The following PGAP1 variants were observed in gnomAD, a reference collection of about 807,000 sequenced individuals.
PGAP1 encodes post-GPI attachment to proteins inositol deacylase 1, also known as GPI inositol-deacylase.
In PGAP1, 76 loss-of-function variants were observed where a neutral mutation model predicts 127.0. The observed-to-expected ratio is 0.60, with a 90% CI of 0.50 to 0.72. The LOEUF (loss-of-function observed/expected upper bound fraction) is 0.72, where lower values mean the gene tolerates loss of function less well. Among genes scored for constraint, PGAP1 ranks in the 30% least tolerant of loss-of-function variants. PGAP1 has a pLI of 0.00. For synonymous variants in PGAP1, 362 were observed against 366.5 expected, an observed-to-expected ratio of 0.99 and a Z score of 0.14; for missense variants, 982 against 1,071.3, an observed-to-expected ratio of 0.92 and a Z score of 1.16.
intron 2 of PGAP1, 131 bp from the exon 3 acceptor site, chr2:196,916,724 C>A: frequency 1.2e-6 from 1 of 827,628 alleles, no homozygotes; most frequent in Non-Finnish European, 1.7e-6. Context: ...GGATGAAATT[C>A]ATTAATAGCA....
At chr2:196,912,559 G>A (rs1224208374) in intron 4 of PGAP1, among the ~76,000 whole-genome samples, 2 of 103,008 alleles carry the variant, frequency 1.9e-5, no homozygotes, top group East Asian at 6.8e-4. Context: ...CAGCCTGGGA[G>A]AAAGAGCAAG....
At position 196,835,794 on chromosome 2, in the gene PGAP1, A is replaced by G. The variant is rs527606730; in HGVS notation, c.*5440T>C. ...TCCAATGCACAGCTTTATGCTAAAG[A>G]GAATTCAAATGTGTCTCTTTTTTTT... On this transcript the variant is annotated 3_prime_UTR_variant, in exon 27 of 27. Coordinates refer to ENST00000354764, the MANE Select transcript of PGAP1 (RefSeq NM_024989.4). 5 of 152,594 alleles carry G rather than the reference A, an allele frequency of 3.3e-5. No individual in the cohort carries two copies. In the South Asian group the frequency reaches 8.3e-4, roughly 25 times the overall value. 9.5% of individuals were successfully genotyped at this position (152,594 alleles called of 1,614,324 possible). A position where few individuals can be genotyped will look rare whatever the true frequency, so the allele number is the denominator to read the frequency against.
chr2:196,865,064 C>A lies in PGAP1; in HGVS notation c.1784G>T (p.Gly595Val), dbSNP rs372173608. The A allele has an allele frequency of 2.2e-5, 34 of 1,559,362 alleles. No individual in the cohort carries two copies. Among genetic ancestry groups the A allele is most frequent in the Non-Finnish European group, 2.6e-5 (30 of 1,159,756 alleles). The change falls in exon 20 of 27, where the codon GGT becomes GTT. Residue 595 changes from glycine (G) to valine (V), a missense_variant. By Grantham distance (109) the Gly-to-Val change is moderately radical (BLOSUM62 -3). Transcript: ENST00000354764. The part of the protein sequence containing the change: ...QILGQVVRFH[G>V]GALPAYVVSN... Reference sequence around the variant, plus strand: ...TACGACATAAGCAGGAAGAGCTCCACCATGAAATCTAACTACCTAAAAAAC... The same window carrying A: ...TACGACATAAGCAGGAAGAGCTCCAACATGAAATCTAACTACCTAAAAAAC...
In PGAP1 at chr2:196,873,678, T is replaced by C. The variant is rs1413158245; in HGVS notation, c.1500+7A>G. 6.2e-7 allele frequency: 1 copy of C among 1,606,456 alleles called. No individual in the cohort carries two copies. Among genetic ancestry groups the C allele is most frequent in the East Asian group, 2.2e-5 (1 of 44,680 alleles). ...AAATCCTTTTTCTTGTAGTCAGGAT[T>C]AATTACCTGTCCAAAGTTCAGAAGC... On this transcript the variant is annotated splice_region_variant and intron_variant, in intron 15 of 26. Transcript: ENST00000354764.
intron 20 of PGAP1, among the ~76,000 whole-genome samples, chr2:196,859,476 A>G (rs768709701): frequency 1.1e-4 from 17 of 152,164 alleles, no homozygotes; most frequent in Non-Finnish European, 2.2e-4. Flanking sequence ...TTCCAAAAAA[A>G]AACACTGAAG....
chr2:196,912,867 T>C lies in PGAP1; in HGVS notation c.649+15A>G. Reference sequence around the variant, plus strand: ...ATAACAATGGGGAGGTTAATGTTCATGTAACAGTACTCACCTGTAATGAAA... The same window carrying C: ...ATAACAATGGGGAGGTTAATGTTCACGTAACAGTACTCACCTGTAATGAAA... On this transcript the variant is annotated intron_variant, in intron 4 of 26. Transcript: ENST00000354764. 3.8e-6 allele frequency: 6 copies of C among 1,574,238 alleles called. No individual in the cohort carries two copies. Among genetic ancestry groups the C allele is most frequent in the Non-Finnish European group, 5.2e-6 (6 of 1,159,068 alleles).
intron 4 of PGAP1, among the ~76,000 whole-genome samples, chr2:196,904,660 G>C (rs906670977): frequency 1.3e-5 from 2 of 152,064 alleles, no homozygotes; most frequent in African/African-American, 4.8e-5. Context: ...CCCAGGAGGC[G>C]GAGGTTGCAG....
At chr2:196,861,672 G>A (rs1361906735) in intron 20 of PGAP1, among the ~76,000 whole-genome samples, 1 of 152,126 alleles carries the variant, frequency 6.6e-6, no homozygotes, top group Admixed American at 6.6e-5. Context: ...CCTGTCTGTT[G>A]TGGGAAGTCA....
At chr2:196,920,760 A>G (rs1703163269) in intron 1 of PGAP1, among the ~76,000 whole-genome samples, 2 of 152,108 alleles carry the variant, frequency 1.3e-5, no homozygotes, top group African/African-American at 2.4e-5. Context: ...TACCATAAAC[A>G]TTCCAGTGAA....
chr2:196,845,043 G>GA (rs373861964), intron 23 of PGAP1, among the ~76,000 whole-genome samples: 1 of 151,714 alleles, frequency 6.6e-6, no homozygotes, highest in Non-Finnish European at 1.5e-5. Flanking sequence ...TATAAGAACT[G>GA]AAAAAAATCT....
intron 13 of PGAP1, among the ~76,000 whole-genome samples, chr2:196,879,828 T>C (rs1365260484): frequency 6.6e-6 from 1 of 152,214 alleles, no homozygotes; most frequent in African/African-American, 2.4e-5. Context: ...ATGTGCCTAA[T>C]AATTCATAGA....
At chr2:196,903,332 G>T (rs1372994237) in intron 4 of PGAP1, among the ~76,000 whole-genome samples, 12 of 151,784 alleles carry the variant, frequency 7.9e-5, no homozygotes, top group African/African-American at 2.7e-4. Flanking sequence ...GGAGGCTGAG[G>T]AAGGCAGATC....
At chr2:196,897,104 A>T in intron 7 of PGAP1, 27 bp downstream of exon 7, 1 of 1,309,192 alleles carries the variant, frequency 7.6e-7, no homozygotes, top group Non-Finnish European at 1.1e-6. Flanking sequence ...CTTTCATTTA[A>T]ATAATTTTTA....
At chr2:196,854,790 C>G (rs2125784843) in intron 20 of PGAP1, among the ~76,000 whole-genome samples, 1 of 151,796 alleles carries the variant, frequency 6.6e-6, no homozygotes. Flanking sequence ...TTTTTTTTCT[C>G]CTTTGAAGAC....
At chr2:196,901,293 C>T (rs778499087) in intron 5 of PGAP1, among the ~76,000 whole-genome samples, 6 of 152,136 alleles carry the variant, frequency 3.9e-5, no homozygotes, top group Non-Finnish European at 7.3e-5. Flanking sequence ...ATCCCAATTC[C>T]TCTAGTTACA....
chr2:196,844,244 C>T (rs2125776383), intron 24 of PGAP1, among the ~76,000 whole-genome samples, 169 bp from the exon 25 acceptor site: 1 of 152,058 alleles, frequency 6.6e-6, no homozygotes, highest in African/African-American at 2.4e-5. Flanking sequence ...GTTATAAAAC[C>T]TTTATTCTTT....
chr2:196,902,160 T>A (rs186822112), intron 5 of PGAP1, among the ~76,000 whole-genome samples: 17 of 152,244 alleles, frequency 1.1e-4, no homozygotes, highest in Admixed American at 1.1e-3. Context: ...GCTCGGACTA[T>A]AGGCACTTAC....
chr2:196,884,201 T>C (rs1701822694), intron 12 of PGAP1, among the ~76,000 whole-genome samples: 1 of 152,324 alleles, frequency 6.6e-6, no homozygotes, highest in African/African-American at 2.4e-5. Flanking sequence ...AATTAATCTA[T>C]ACAATTCATC....
intron 20 of PGAP1, among the ~76,000 whole-genome samples, chr2:196,857,680 G>C (rs1167429386): frequency 6.6e-6 from 1 of 152,170 alleles, no homozygotes; most frequent in Non-Finnish European, 1.5e-5. Context: ...GCTAAGAAGA[G>C]AGAGTTCTCA....
Sources: gnomAD v4.1 joint callset for allele counts (sites outside exome capture counted in the v4.1 genomes callset) on GRCh38, gnomAD v4.1.1 for gene constraint, MANE v1.5 for transcripts, NCBI Gene and HGNC (gene_info 2026-07-23, HGNC 2026-07-21) for gene names.